Variants in GPC5 observed in about 807,000 individuals in gnomAD.
The protein encoded by GPC5 is glypican 5.
GPC5 carries 47 observed loss-of-function variants against 53.9 expected under a neutral mutation model. The observed-to-expected ratio is 0.87, with a 90% CI of 0.69 to 1.11. The LOEUF is 1.11. Ranked by LOEUF, GPC5 falls within the 50% of genes most tolerant of loss-of-function variation. The pLI, the probability that GPC5 is intolerant of heterozygous loss-of-function variation, is 0.00. For synonymous variants in GPC5, 286 were observed against 263.3 expected (o/e 1.09, Z -0.84); for missense variants, 748 against 713.1 (o/e 1.05, Z -0.56).
chr13:92,089,487 C>T (rs540018568), intron 6 of GPC5, among the ~76,000 whole-genome samples: 2 of 139,962 alleles, frequency 1.4e-5, no homozygotes, highest in Admixed American at 1.6e-4. Context: ...AATAACATTT[C>T]TAGTATTTCC....
At chr13:92,601,554 C>CAAAAAAAAA (rs57333686) in intron 7 of GPC5, among the ~76,000 whole-genome samples, 1 of 67,398 alleles carries the variant, frequency 1.5e-5, no homozygotes, top group African/African-American at 4.3e-5. Flanking sequence ...GACTCCATCT[C>CAAAAAAAAA]AAAAAAAAAA....
intron 7 of GPC5, among the ~76,000 whole-genome samples, chr13:92,623,756 A>T (rs903512071): frequency 6.6e-6 from 1 of 152,172 alleles, no homozygotes; most frequent in African/African-American, 2.4e-5. Flanking sequence ...ATTAAAAAAA[A>T]AACCAGTGAA....
At chr13:91,672,460 C>T (rs2035272988) in intron 2 of GPC5, among the ~76,000 whole-genome samples, 1 of 152,088 alleles carries the variant, frequency 6.6e-6, no homozygotes, top group African/African-American at 2.4e-5. Context: ...AAGGCATTTA[C>T]ACGGTCAACA....
chr13:91,515,857 C>A (rs1035858297), intron 2 of GPC5, among the ~76,000 whole-genome samples: 8 of 152,128 alleles, frequency 5.3e-5, no homozygotes, highest in African/African-American at 1.9e-4. Flanking sequence ...ACTTACAGTT[C>A]CATATGGCTG....
At chr13:91,598,326 G>GA (rs34281576) in intron 2 of GPC5, among the ~76,000 whole-genome samples, 71,521 of 150,902 alleles carry the variant, frequency 0.47, 20,344 homozygotes, top group East Asian at 0.63. Flanking sequence ...TAGTAAAATT[G>GA]AAAAAAAACT....
At chr13:92,016,089 C>A (rs1468204588) in intron 6 of GPC5, among the ~76,000 whole-genome samples, 1 of 152,134 alleles carries the variant, frequency 6.6e-6, no homozygotes, top group Admixed American at 6.5e-5. Context: ...TAGTACATGA[C>A]CACATTTAGA....
intron 5 of GPC5, among the ~76,000 whole-genome samples, chr13:91,758,463 G>T (rs2037341625): frequency 1.3e-5 from 2 of 152,028 alleles, no homozygotes; most frequent in African/African-American, 2.4e-5. Flanking sequence ...ACCTTAATCT[G>T]AATTTATCCC....
rs547949989 is a variant in GPC5, at chr13:92,389,068, A to G, written c.1561+244079A>G. Among the ~76,000 whole-genome samples, 28 of 152,212 alleles carry G rather than the reference A, an allele frequency of 1.8e-4. No individual in the cohort carries two copies. The South Asian group carries it at 3.1e-3, about 17-fold the overall frequency. ...CACTTCTCTTTCTTTTCTTGTTCAT[A>G]ATACACATAGTCGGCAAATAATGAC... On this transcript the variant is annotated intron_variant, in intron 7 of 7. Transcript: ENST00000377067.
intron 7 of GPC5, among the ~76,000 whole-genome samples, chr13:92,255,819 ATC>A (rs1024164528): frequency 3.9e-5 from 6 of 151,980 alleles, no homozygotes; most frequent in Non-Finnish European, 7.4e-5. Flanking sequence ...TCCATTTTTT[ATC>A]TCTTTGTTTA....
chr13:92,559,544 C>T (rs1009817487), intron 7 of GPC5, among the ~76,000 whole-genome samples: 4 of 151,674 alleles, frequency 2.6e-5, no homozygotes, highest in African/African-American at 9.7e-5. Context: ...AGCCAGCCCT[C>T]CCCTATCTGG....
intron 5 of GPC5, among the ~76,000 whole-genome samples, chr13:91,856,990 T>C (rs1390241878): frequency 6.6e-6 from 1 of 151,166 alleles, no homozygotes; most frequent in Non-Finnish European, 1.5e-5. Context: ...GAAGTGATTC[T>C]ATCATTTATT....
chr13:92,165,602 GC>G (rs1411319509), intron 7 of GPC5, among the ~76,000 whole-genome samples: 1 of 152,174 alleles, frequency 6.6e-6, no homozygotes, highest in African/African-American at 2.4e-5. Flanking sequence ...CATGAGAACA[GC>G]ATAGGAGAAC....
intron 7 of GPC5, among the ~76,000 whole-genome samples, chr13:92,201,266 T>G (rs546486311): frequency 6.6e-6 from 1 of 152,336 alleles, no homozygotes; most frequent in South Asian, 2.1e-4. Flanking sequence ...GATGAGATGG[T>G]TGAAAATGGT....
rs1339415959 is a variant in GPC5 at position 91,745,432 on chromosome 13, G to T, written c.1155-10863G>T. Reference sequence around the variant, plus strand: ...GTTTGAAAAGAACTTTCTGCAAAGGGTCTCTAAGGAGCCCACTCTCTGAGC... The same window carrying T: ...GTTTGAAAAGAACTTTCTGCAAAGGTTCTCTAAGGAGCCCACTCTCTGAGC... On this transcript the variant is annotated intron_variant, in intron 4 of 7. Transcript: ENST00000377067. Among the ~76,000 whole-genome samples, 65 of 69,326 alleles carry T rather than the reference G, an allele frequency of 9.4e-4. 1 individual carries two copies. The highest frequency in any genetic ancestry group is 6.4e-5 in the Non-Finnish European group (2 of 31,216). 45.5% of individuals were successfully genotyped at this position (69,326 alleles called of 152,430 possible). A position where few individuals can be genotyped will look rare whatever the true frequency, so the allele number is the denominator to read the frequency against.
At chr13:91,612,484 A>T (rs542956040) in intron 2 of GPC5, among the ~76,000 whole-genome samples, 1 of 152,190 alleles carries the variant, frequency 6.6e-6, no homozygotes, top group South Asian at 2.1e-4. Context: ...TATGGAGCAG[A>T]TATGAAGAAA....
intron 4 of GPC5, among the ~76,000 whole-genome samples, chr13:91,737,792 A>G (rs1289401930): frequency 6.6e-6 from 1 of 151,458 alleles, no homozygotes; most frequent in Non-Finnish European, 1.5e-5. Flanking sequence ...TATTCAACCT[A>G]TTCTTTTGAG....
chr13:91,948,210 A>G (rs1034954122), intron 6 of GPC5, among the ~76,000 whole-genome samples: 2 of 133,348 alleles, frequency 1.5e-5, no homozygotes, highest in East Asian at 2.2e-4. Context: ...CCTGGGCGAC[A>G]GAGGGAGACT....
At chr13:92,697,896 T>G (rs553840250) in intron 7 of GPC5, among the ~76,000 whole-genome samples, 1 of 152,206 alleles carries the variant, frequency 6.6e-6, no homozygotes, top group Non-Finnish European at 1.5e-5. Flanking sequence ...TTGAGAGTTT[T>G]TAGCATGAAA....
chr13:92,835,304 G>A (rs1409266), intron 7 of GPC5, among the ~76,000 whole-genome samples: 17,725 of 151,646 alleles, frequency 0.12, 1,182 homozygotes, highest in African/African-American at 0.19. Context: ...TTCTGACTTC[G>A]ATACCGCATC....
Sources: gnomAD v4.1 joint callset for allele counts (sites outside exome capture counted in the v4.1 genomes callset) on GRCh38, gnomAD v4.1.1 for gene constraint, MANE v1.5 for transcripts, NCBI Gene and HGNC (gene_info 2026-07-23, HGNC 2026-07-21) for gene names.